Variants in SNORC observed in about 807,000 individuals in gnomAD.
SNORC encodes secondary ossification center associated regulator of chondrocyte maturation.
SNORC carries 11 observed loss-of-function variants against 9.7 expected under a neutral mutation model. The ratio of observed to expected loss-of-function variants is 1.14; its 90% CI spans 0.72 to 1.88. The LOEUF (loss-of-function observed/expected upper bound fraction) is 1.88. Ranked by LOEUF, SNORC falls within the 40% of genes most tolerant of loss-of-function variation. The probability of loss-of-function intolerance (pLI) is 0.00; values close to 1 mark genes in which losing one functional copy is unlikely to be tolerated. For missense variants in SNORC, 197 were observed against 173.1 expected (o/e 1.14, Z -0.77); for synonymous variants, 108 against 88.7 (o/e 1.22, Z -1.22).
At chr2:232,868,157 T>C (rs1690912417), upstream of SNORC, among the ~76,000 whole-genome samples, 5 of 151,688 alleles carry the variant, frequency 3.3e-5, no homozygotes, top group Admixed American at 3.3e-4. Context: ...CATCTTTTTT[T>C]TTTTTTTTTT....
chr2:232,873,925 T>C (rs771392460), intron 1 of SNORC, among the ~76,000 whole-genome samples: 4 of 152,196 alleles, frequency 2.6e-5, no homozygotes, highest in Non-Finnish European at 5.9e-5. Flanking sequence ...CCTCCCCCAG[T>C]TGGGGGCCAA....
exon 1 of SNORC, chr2:232,870,374 G>T: frequency 6.4e-7 from 1 of 1,570,762 alleles, no homozygotes; most frequent in Non-Finnish European, 8.6e-7. Flanking sequence ...GCATGGCGCT[G>T]CTGCTGGTCT....
chr2:232,873,938 G>A (rs781737146), intron 1 of SNORC, among the ~76,000 whole-genome samples: 1 of 152,224 alleles, frequency 6.6e-6, no homozygotes, highest in African/African-American at 2.4e-5. Flanking sequence ...GGGGCCAATG[G>A]GCCTTCCACC....
upstream of SNORC, chr2:232,869,188 G>A (rs1034792003): frequency 6.6e-6 from 1 of 152,192 alleles, no homozygotes; most frequent in Non-Finnish European, 1.5e-5. Context: ...TTATCAAGCT[G>A]AGGCTTGAAT....
At chr2:232,874,424 C>T (rs549330747) in intron 1 of SNORC, among the ~76,000 whole-genome samples, 30 of 152,368 alleles carry the variant, frequency 2.0e-4, no homozygotes, top group Middle Eastern at 3.4e-3. Context: ...TCTCCGATCA[C>T]AGGCCTGTCC....
upstream of SNORC, among the ~76,000 whole-genome samples, chr2:232,868,131 T>A (rs2106184862): frequency 6.6e-6 from 1 of 151,132 alleles, no homozygotes; most frequent in East Asian, 2.0e-4. Flanking sequence ...GATCAAAACA[T>A]TCTGATGGGT....
exon 1 of SNORC, chr2:232,870,361 T>C (rs751823425): frequency 5.7e-6 from 9 of 1,565,498 alleles, no homozygotes; most frequent in African/African-American, 5.4e-5. Flanking sequence ...TGTCTGGCCC[T>C]GCGCATGGCG....
downstream of SNORC, chr2:232,878,391 C>CA (rs1691357873): frequency 6.3e-6 from 1 of 159,552 alleles, no homozygotes; most frequent in African/African-American, 2.4e-5. Flanking sequence ...GGGCCCCCCC[C>CA]ACCATGGACA....
At chr2:232,870,238 G>T, upstream of SNORC, 1 of 1,109,766 alleles carries the variant, frequency 9.0e-7, no homozygotes, top group South Asian at 1.3e-5. Flanking sequence ...TTGCATTGAT[G>T]AAAACCCTTC....
downstream of SNORC, chr2:232,877,080 C>T (rs111594479): frequency 1.0e-6 from 1 of 985,920 alleles, no homozygotes; most frequent in Non-Finnish European, 1.2e-6. Flanking sequence ...GGGCCCCATC[C>T]GCGGGCTCAG....
At chr2:232,876,553 T>C, downstream of SNORC, 1 of 1,168,810 alleles carries the variant, frequency 8.6e-7, no homozygotes. This position sits in a 1 kb window ranked among gnomAD's most constrained non-coding sequence, Gnocchi z 6.8. Flanking sequence ...CGCGCCCGAA[T>C]TCCCCGCAGG....
chr2:232,869,816 C>G (rs1304799680), upstream of SNORC: 4 of 178,458 alleles, frequency 2.2e-5, no homozygotes, highest in Non-Finnish European at 4.7e-5. Context: ...CATGGAGAAC[C>G]CAGAGGTGAG....
Position 232,876,028 on chromosome 2 carries a change from C to T in SNORC, c.162C>T (p.Pro54=), listed in dbSNP as rs1045693065. 2 of 1,545,884 alleles carry T rather than the reference C, an allele frequency of 1.3e-6. No homozygotes were observed. Among genetic ancestry groups the T allele is most frequent in the East Asian group, 2.4e-5 (1 of 41,168 alleles). ...AAGGCCCCGTGGAGAGCACCAGCCCCGGCCGGGAGCCCGTGGACACCGGTC... is the reference window on the plus strand; with the variant it reads ...AAGGCCCCGTGGAGAGCACCAGCCCTGGCCGGGAGCCCGTGGACACCGGTC... Residue 54 remains proline, a synonymous_variant, in exon 2 of 3, where the codon CCC becomes CCT. Coordinates refer to ENST00000331342, the Ensembl canonical transcript of SNORC. The surrounding 1 kb of genome is among the most constrained non-coding windows in gnomAD (Gnocchi z 6.8).
chr2:232,868,045 C>T (rs1205804338), upstream of SNORC, among the ~76,000 whole-genome samples: 1 of 152,094 alleles, frequency 6.6e-6, no homozygotes, highest in East Asian at 1.9e-4. Flanking sequence ...ATAGTAAATA[C>T]AGATTTCTGC....
In SNORC at chr2:232,876,099, A is replaced by C; in HGVS notation, c.233A>C (p.Gln78Pro). ...CCAGGACCCGAGGACAGCACCGCGC[A>C]GGAGCGGCTGGACCAGGGCGGCGGT... Residue 78 changes from glutamine to proline, a missense_variant, in exon 2 of 3, where the codon CAG becomes CCG. By Grantham distance (76) the Gln-to-Pro change is moderately conservative. Coordinates refer to ENST00000331342, the Ensembl canonical transcript of SNORC. The surrounding 1 kb of genome is among the most constrained non-coding windows in gnomAD (Gnocchi z 6.8). The C allele has an allele frequency of 6.8e-7, 1 of 1,476,878 alleles. No homozygotes were observed. The highest frequency in any genetic ancestry group is 9.0e-7 in the Non-Finnish European group (1 of 1,115,924). The allele number at this position is 1,476,878 out of a possible 1,614,324, so 91.5% of individuals were successfully genotyped here.
At chr2:232,873,631 T>C (rs966636284) in intron 1 of SNORC, among the ~76,000 whole-genome samples, 2 of 152,176 alleles carry the variant, frequency 1.3e-5, no homozygotes, top group Non-Finnish European at 2.9e-5. Context: ...TGTCCATTTC[T>C]TTGGACATGT....
At chr2:232,866,480 G>T (rs1026499733), upstream of SNORC, among the ~76,000 whole-genome samples, 2 of 152,126 alleles carry the variant, frequency 1.3e-5, no homozygotes, top group African/African-American at 4.8e-5. Context: ...GCTGTGTATT[G>T]CTTGGCATGT....
chr2:232,874,650 C>G (rs1193779553), intron 1 of SNORC, among the ~76,000 whole-genome samples: 2 of 152,364 alleles, frequency 1.3e-5, no homozygotes, highest in Admixed American at 1.3e-4. Flanking sequence ...CGAGCATCCG[C>G]CTCTCTGGGT....
chr2:232,868,082 T>A (rs2106184802), upstream of SNORC, among the ~76,000 whole-genome samples: 1 of 152,184 alleles, frequency 6.6e-6, no homozygotes, highest in East Asian at 1.9e-4. Context: ...GTATATCAAG[T>A]AATACATTAG....
Sources: allele counts gnomAD v4.1 joint callset (sites outside exome capture counted in the v4.1 genomes callset), GRCh38; gene constraint gnomAD v4.1.1; non-coding constraint Gnocchi (gnomAD v3.1); transcripts MANE v1.5; gene names NCBI Gene and HGNC (gene_info 2026-07-23, HGNC 2026-07-21).